SPAST: variants seen among roughly 807,000 people sequenced by gnomAD.
SPAST encodes spastic paraplegia 4 (autosomal dominant; spastin).
Under a neutral mutation model 76.6 loss-of-function variants are expected in SPAST, and 30 were observed. That is an observed-to-expected ratio of 0.39 (90% CI 0.29 to 0.53). The LOEUF is 0.53. Ranked by LOEUF, SPAST falls within the 20% of genes least tolerant of loss-of-function variation. The pLI is 0.68. For synonymous variants in SPAST, 305 were observed against 281.0 expected (o/e 1.09, Z -0.86); for missense variants, 717 against 770.5 (o/e 0.93, Z 0.82).
intron 1 of SPAST, among the ~76,000 whole-genome samples, chr2:32,072,356 A>T (rs114108712): frequency 6.6e-6 from 1 of 152,070 alleles, no homozygotes; most frequent in African/African-American, 2.4e-5. Context: ...AAATACTTCA[A>T]TTTCTTTCAT....
intron 1 of SPAST, among the ~76,000 whole-genome samples, chr2:32,086,216 G>A (rs1371968932): frequency 6.6e-6 from 1 of 152,040 alleles, no homozygotes; most frequent in South Asian, 2.1e-4. Flanking sequence ...CCAGCACTTC[G>A]GGAGACCAGG....
intron 1 of SPAST, among the ~76,000 whole-genome samples, chr2:32,086,076 G>T (rs186596141): frequency 5.5e-4 from 84 of 151,744 alleles, no homozygotes; most frequent in African/African-American, 2.0e-3. Flanking sequence ...AATAGACTTC[G>T]TCTGTTTCAT....
Position 32,143,400 on chromosome 2 carries a change from T to C in SPAST, c.1601T>C (p.Leu534Pro), listed in dbSNP as rs1553319317. The change falls in exon 14 of 17, where the codon CTA becomes CCA. Residue 534 changes from leucine (L) to proline (P), a missense_variant. By Grantham distance (98) the Leu-to-Pro change is moderately conservative (BLOSUM62 -3). This residue lies in a region of SPAST where 96 missense variants were observed against 127.6 expected (regional missense o/e 0.75). Coordinates refer to ENST00000315285, the MANE Select transcript of SPAST (RefSeq NM_014946.4). ...KQGSPLTQKE[L>P]AQLARMTDGY... is the part of the protein sequence containing the mutation. ...GGAAGTCCATTGACCCAAAAAGAAC[T>C]AGCACAACTTGCTAGGTGAGTAATT... 6.2e-7 allele frequency: 1 copy of C among 1,604,824 alleles called. No homozygotes were observed. Among genetic ancestry groups the C allele is most frequent in the Non-Finnish European group, 8.5e-7 (1 of 1,172,242 alleles).
chr2:32,079,918 G>A (rs1270830037), intron 1 of SPAST, among the ~76,000 whole-genome samples: 1 of 152,120 alleles, frequency 6.6e-6, no homozygotes, highest in Non-Finnish European at 1.5e-5. Flanking sequence ...ATCTGTTTAA[G>A]TCCCGGCTTT....
chr2:32,075,729 T>C (rs999607009), intron 1 of SPAST, among the ~76,000 whole-genome samples: 2 of 150,390 alleles, frequency 1.3e-5, no homozygotes, highest in Non-Finnish European at 3.0e-5. Context: ...TTTTGTGTAG[T>C]TTTTAGTAGA....
chr2:32,115,152 T>C (rs1227065041), intron 5 of SPAST, among the ~76,000 whole-genome samples: 2 of 152,002 alleles, frequency 1.3e-5, no homozygotes, highest in Non-Finnish European at 2.9e-5. Context: ...TTCTCCATGT[T>C]GGTCAGGCTG....
intron 1 of SPAST, among the ~76,000 whole-genome samples, chr2:32,079,224 C>T (rs1284741475): frequency 3.3e-5 from 5 of 152,114 alleles, no homozygotes; most frequent in Admixed American, 3.3e-4. Flanking sequence ...CTGATTAGAA[C>T]TGTGTTTTTA....
intron 1 of SPAST, among the ~76,000 whole-genome samples, chr2:32,080,179 A>C (rs1375253863): frequency 6.6e-6 from 1 of 152,176 alleles, no homozygotes; most frequent in Admixed American, 6.6e-5. Context: ...ATGACTTATG[A>C]TGCTCAGCAT....
chr2:32,089,422 A>G (rs1677623251), intron 2 of SPAST, 100 bp from the exon 3 acceptor site: 3 of 702,414 alleles, frequency 4.3e-6, no homozygotes, highest in Non-Finnish European at 7.5e-6. Flanking sequence ...ATTTCTGTAT[A>G]AAGACTGTGA....
intron 1 of SPAST, among the ~76,000 whole-genome samples, chr2:32,084,399 C>T (rs952637031): frequency 2.7e-5 from 4 of 148,440 alleles, no homozygotes; most frequent in African/African-American, 5.0e-5. Flanking sequence ...CTCCTGACCT[C>T]GTGATCCACC....
chr2:32,112,822 A>G (rs1480489854), intron 4 of SPAST, among the ~76,000 whole-genome samples: 1 of 151,638 alleles, frequency 6.6e-6, no homozygotes, highest in Admixed American at 6.6e-5. Flanking sequence ...ACAAAAGTAA[A>G]ATTGAGGCTT....
chr2:32,091,105 T>A (rs946653323), intron 3 of SPAST, among the ~76,000 whole-genome samples: 4 of 151,992 alleles, frequency 2.6e-5, no homozygotes, highest in Admixed American at 6.6e-5. Flanking sequence ...CTACTACATA[T>A]GAGTGGCTCT....
intron 7 of SPAST, 78 bp from the exon 8 acceptor site, chr2:32,126,870 A>C (rs1248671615): frequency 1.4e-5 from 13 of 920,238 alleles, no homozygotes; most frequent in Middle Eastern, 5.0e-4. Flanking sequence ...TACTGAAAAA[A>C]GGATGCTTTT....
chr2:32,076,906 C>T (rs903867530), intron 1 of SPAST, among the ~76,000 whole-genome samples: 2 of 151,920 alleles, frequency 1.3e-5, no homozygotes, highest in African/African-American at 4.8e-5. Context: ...GACAGAGTCT[C>T]GTTGTGTCGC....
At chr2:32,064,608 A>G (rs1487935774) in intron 1 of SPAST, among the ~76,000 whole-genome samples, 1 of 152,044 alleles carries the variant, frequency 6.6e-6, no homozygotes, top group Non-Finnish European at 1.5e-5. Flanking sequence ...CCTCTGAACC[A>G]AGGTTTCCAA....
At chr2:32,139,826 G>T (rs563282420) in intron 12 of SPAST, among the ~76,000 whole-genome samples, 1 of 143,856 alleles carries the variant, frequency 7.0e-6, no homozygotes, top group South Asian at 2.2e-4. Flanking sequence ...GCAAGAATCC[G>T]TTTCCAAAAT....
Position 32,064,228 on chromosome 2 carries a change from A to G in SPAST, c.397A>G (p.Ile133Val), listed in dbSNP as rs1676416357. Residue 133 changes from isoleucine (I) to valine (V), a missense_variant, in exon 1 of 17, where the codon ATC becomes GTC. Physicochemically the swap from Ile to Val is conservative, Grantham distance 29. Around this residue, in one of 3 missense-constraint regions of SPAST, gnomAD observed 543 missense variants for 445.2 expected, o/e 1.22. Coordinates refer to ENST00000315285, the MANE Select transcript of SPAST (RefSeq NM_014946.4). ...CGAGTACATCTCCATTGCCCTGCGC[A>G]TCGATGAGGATGAGAAAGGTAACTA... is the stretch of plus-strand genomic sequence containing the variant. Reference protein sequence around the residue: ...AFEYISIALRIDEDEKAGQKE... With the variant: ...AFEYISIALRVDEDEKAGQKE... The G allele has an allele frequency of 6.7e-6, 10 of 1,492,564 alleles. No individual in the cohort carries two copies. The highest frequency in any genetic ancestry group is 9.0e-6 in the Non-Finnish European group (10 of 1,113,298). The allele number at this position is 1,492,564 out of a possible 1,614,324, so 92.5% of individuals were successfully genotyped here.
chr2:32,112,180 T>G (rs1019399989), intron 4 of SPAST, among the ~76,000 whole-genome samples: 3 of 151,660 alleles, frequency 2.0e-5, no homozygotes, highest in African/African-American at 7.3e-5. Flanking sequence ...CTTAAACTCC[T>G]GACCTCAGAT....
intron 7 of SPAST, among the ~76,000 whole-genome samples, chr2:32,116,758 C>T (rs899047391): frequency 6.6e-6 from 1 of 152,168 alleles, no homozygotes; most frequent in Non-Finnish European, 1.5e-5. Flanking sequence ...TGAGTCACTA[C>T]ATCTGGCCAA....
Sources: allele counts gnomAD v4.1 joint callset (sites outside exome capture counted in the v4.1 genomes callset), GRCh38; gene constraint gnomAD v4.1.1; regional missense constraint gnomAD v4.1.1; transcripts MANE v1.5; gene names NCBI Gene and HGNC (gene_info 2026-07-23, HGNC 2026-07-21).